Variants in SHROOM3 observed in about 807,000 individuals in gnomAD.
The protein encoded by SHROOM3 is protein Shroom3.
In SHROOM3, 47 loss-of-function variants were observed where a neutral mutation model predicts 138.6. That is an observed-to-expected ratio of 0.34 (90% confidence interval 0.27 to 0.43). The LOEUF (loss-of-function observed/expected upper bound fraction) is 0.43. SHROOM3 is among the 20% of genes least tolerant of loss of function. The pLI, the probability that SHROOM3 is intolerant of heterozygous loss-of-function variation, is 1.00. For synonymous variants in SHROOM3, 1,062 were observed against 1,063.3 expected, an observed-to-expected ratio of 1.00 and a Z score of 0.02; for missense variants, 2,491 against 2,596.5, an observed-to-expected ratio of 0.96 and a Z score of 0.88.
intron 2 of SHROOM3, among the ~76,000 whole-genome samples, chr4:76,649,070 T>C (rs1295835958): frequency 1.3e-5 from 2 of 152,216 alleles, no homozygotes; most frequent in Non-Finnish European, 1.5e-5. Flanking sequence ...TGTAATTATA[T>C]AGTAATTATG....
At chr4:76,496,373 G>C (rs988494143) in intron 1 of SHROOM3, among the ~76,000 whole-genome samples, 1 of 152,184 alleles carries the variant, frequency 6.6e-6, no homozygotes, top group Non-Finnish European at 1.5e-5. Flanking sequence ...TCAGGCCTTC[G>C]TGGAGCAGGT....
At chr4:76,742,638 TC>T (rs964244661) in intron 5 of SHROOM3, among the ~76,000 whole-genome samples, 1 of 152,176 alleles carries the variant, frequency 6.6e-6, no homozygotes, top group African/African-American at 2.4e-5. Flanking sequence ...TAAAGTACTT[TC>T]CCCTGAAAAT....
chr4:76,533,498 A>T (rs566495025), intron 1 of SHROOM3, among the ~76,000 whole-genome samples: 37 of 152,308 alleles, frequency 2.4e-4, no homozygotes, highest in African/African-American at 8.9e-4. Context: ...CTGCCAAGGG[A>T]TCAGCTGCTC....
At chr4:76,698,684 A>G (rs1383372031) in intron 2 of SHROOM3, among the ~76,000 whole-genome samples, 1 of 152,170 alleles carries the variant, frequency 6.6e-6, no homozygotes, top group Admixed American at 6.5e-5. Context: ...TTTTAAAGAC[A>G]GCCTTGAAGA....
intron 5 of SHROOM3, among the ~76,000 whole-genome samples, chr4:76,743,893 T>A (rs1721345170): frequency 1.3e-5 from 2 of 152,232 alleles, no homozygotes; most frequent in South Asian, 4.1e-4. Context: ...TCATTTAGCT[T>A]GATGGATTTT....
intron 1 of SHROOM3, among the ~76,000 whole-genome samples, chr4:76,543,398 G>A (rs971260636): frequency 1.3e-5 from 2 of 152,138 alleles, no homozygotes; most frequent in Non-Finnish European, 2.9e-5. Flanking sequence ...CGAGCGTGTG[G>A]CTTACCCAAA....
In SHROOM3 at chr4:76,741,088, AGGCGTCG is replaced by A; in HGVS notation, c.2917_2923del (p.Ala973ProfsTer14). 1 of 1,542,970 alleles carries A rather than the reference AGGCGTCG, an allele frequency of 6.5e-7. No individual in the cohort carries two copies. Among genetic ancestry groups the A allele is most frequent in the Non-Finnish European group, 8.7e-7 (1 of 1,144,344 alleles). ...GCCCACGTGGGGCTGCGGAGCCCCG[AGGCGTCG>A]GCCTCCGCCTCCCCGCACACGCCCC... On this transcript the variant is annotated frameshift_variant, in exon 5 of 11. Transcript: ENST00000296043. LOFTEE classifies it high-confidence loss of function. This position sits in a 1 kb window ranked among gnomAD's most constrained non-coding sequence, Gnocchi z 6.2.
Position 76,756,890 on chromosome 4 carries a change from G to C in SHROOM3, c.5151G>C (p.Arg1717Ser). ...TGCTGAAGGAAAACAGTGTAAAGAG[G>C]AAGGCCATACAGAGAACTGTCAGCT... ...VNLLKENSVK[R>S]KAIQRTVSSS... The change falls in exon 8 of 11, where the codon AGG becomes AGC. Residue 1717 changes from arginine to serine, a missense_variant. This residue lies in a region of SHROOM3 where 470 missense variants were observed against 595.0 expected (regional missense o/e 0.79). Transcript: ENST00000296043. 6.2e-7 allele frequency: 1 copy of C among 1,614,100 alleles called. No homozygotes were observed. The highest frequency in any genetic ancestry group is 8.5e-7 in the Non-Finnish European group (1 of 1,180,028).
intron 2 of SHROOM3, among the ~76,000 whole-genome samples, chr4:76,642,890 C>A (rs1019187705): frequency 5.3e-5 from 8 of 151,854 alleles, no homozygotes; most frequent in African/African-American, 1.9e-4. Flanking sequence ...TCATTTGTAT[C>A]CAGAGTTTTC....
chr4:76,720,308 C>T (rs1288415723), intron 3 of SHROOM3, among the ~76,000 whole-genome samples: 1 of 151,782 alleles, frequency 6.6e-6, no homozygotes, highest in African/African-American at 2.4e-5. Flanking sequence ...GGACAATGGC[C>T]ACCTTTTTTC....
chr4:76,516,209 T>C (rs1732441059), intron 1 of SHROOM3, among the ~76,000 whole-genome samples: 1 of 152,190 alleles, frequency 6.6e-6, no homozygotes, highest in Non-Finnish European at 1.5e-5. Flanking sequence ...ATTACTCAAA[T>C]GTATATCTCT....
chr4:76,745,079 A>G (rs1354584978), intron 5 of SHROOM3, among the ~76,000 whole-genome samples: 2 of 152,144 alleles, frequency 1.3e-5, no homozygotes, highest in East Asian at 1.9e-4. Flanking sequence ...GCAACCTTCT[A>G]TTTTCCTCTC....
intron 10 of SHROOM3, among the ~76,000 whole-genome samples, chr4:76,771,851 C>A (rs1029092760): frequency 3.3e-5 from 5 of 152,208 alleles, no homozygotes; most frequent in African/African-American, 7.2e-5. Flanking sequence ...ATCCACTCCT[C>A]TGTACGGCAA....
intron 2 of SHROOM3, among the ~76,000 whole-genome samples, chr4:76,567,817 C>T (rs1218682114): frequency 6.6e-6 from 1 of 151,912 alleles, no homozygotes; most frequent in African/African-American, 2.4e-5. Context: ...TTTGTATGTC[C>T]TTCACCCTCA....
intron 1 of SHROOM3, among the ~76,000 whole-genome samples, chr4:76,489,538 G>A (rs940153708): frequency 3.9e-5 from 6 of 152,152 alleles, no homozygotes; most frequent in African/African-American, 1.2e-4. Flanking sequence ...GATGTCAGAG[G>A]AAGATAAATA....
At chr4:76,729,309 G>A (rs1720805450) in intron 3 of SHROOM3, among the ~76,000 whole-genome samples, 1 of 151,968 alleles carries the variant, frequency 6.6e-6, no homozygotes, top group African/African-American at 2.4e-5. Flanking sequence ...TCCCTCTCTT[G>A]AGAGGGAGTT....
intron 2 of SHROOM3, chr4:76,575,692 CAAATA>C (rs1249581086): frequency 1.3e-5 from 2 of 152,166 alleles, no homozygotes; most frequent in Non-Finnish European, 2.9e-5. Flanking sequence ...ACAATAGCCA[CAAATA>C]AAATTAAATA....
chr4:76,694,831 G>A (rs1719674147), intron 2 of SHROOM3, among the ~76,000 whole-genome samples: 1 of 152,106 alleles, frequency 6.6e-6, no homozygotes, highest in African/African-American at 2.4e-5. Flanking sequence ...GTTTTGTGCT[G>A]GCTGATTTTA....
chr4:76,736,352 G>A (rs370102464), intron 4 of SHROOM3, among the ~76,000 whole-genome samples: 3 of 152,074 alleles, frequency 2.0e-5, no homozygotes, highest in Non-Finnish European at 2.9e-5. Flanking sequence ...TATCTGTCCC[G>A]AAGTAGGATG....
Sources: gnomAD v4.1 joint callset for allele counts (sites outside exome capture counted in the v4.1 genomes callset) on GRCh38, gnomAD v4.1.1 for gene constraint, gnomAD v4.1.1 regional missense constraint, Gnocchi (gnomAD v3.1) non-coding constraint, MANE v1.5 for transcripts, NCBI Gene and HGNC (gene_info 2026-07-23, HGNC 2026-07-21) for gene names.